LPP: variants seen among roughly 807,000 people sequenced by gnomAD.
The protein encoded by LPP is LIM domain containing preferred translocation partner in lipoma.
LPP carries 38 observed loss-of-function variants against 60.4 expected under a neutral mutation model. The ratio of observed to expected loss-of-function variants is 0.63; its 90% CI spans 0.49 to 0.83. The LOEUF (loss-of-function observed/expected upper bound fraction) is 0.83. LPP is among the 40% of genes least tolerant of loss of function. The pLI is 0.00. For missense variants in LPP, 902 were observed against 783.6 expected (o/e 1.15, Z -1.80); for synonymous variants, 328 against 290.8 (o/e 1.13, Z -1.30).
chr3:188,508,774 G>T (rs895540758), intron 5 of LPP, among the ~76,000 whole-genome samples: 2 of 152,220 alleles, frequency 1.3e-5, no homozygotes, highest in African/African-American at 4.8e-5. Flanking sequence ...CTGGAATTGG[G>T]TTAGAATACA....
intron 4 of LPP, among the ~76,000 whole-genome samples, chr3:188,476,198 G>A (rs868338068): frequency 6.6e-6 from 1 of 152,158 alleles, no homozygotes; most frequent in Non-Finnish European, 1.5e-5. Context: ...GCTTCGTGGA[G>A]AAGCACACTT....
intron 9 of LPP, among the ~76,000 whole-genome samples, chr3:188,805,597 ATT>A (rs1202184089): frequency 6.6e-6 from 1 of 151,060 alleles, no homozygotes; most frequent in Non-Finnish European, 1.5e-5. Flanking sequence ...TCTCAATTAT[ATT>A]GACTTCTGCT....
chr3:188,604,872 G>T (rs1470331579), intron 6 of LPP, among the ~76,000 whole-genome samples: 1 of 152,134 alleles, frequency 6.6e-6, no homozygotes, highest in Admixed American at 6.6e-5. Context: ...CACTGTGCTG[G>T]AGGATTCAGG....
chr3:188,866,221 G>A lies in LPP; in HGVS notation c.1432G>A (p.Val478Met). The A allele has an allele frequency of 6.4e-7, 1 of 1,561,980 alleles. No homozygotes were observed. The highest frequency in any genetic ancestry group is 8.7e-7 in the Non-Finnish European group (1 of 1,152,408). ...CYINTLEQCNVCSKPIMERIL... is the reference protein window; with the variant it reads ...CYINTLEQCNMCSKPIMERIL... ...CCAGAATACTCTGGAGCAGTGCAAT[G>A]TGTGTTCCAAGCCCATCATGGAGCG... The change falls in exon 10 of 12, where the codon GTG becomes ATG. Residue 478 changes from valine (V) to methionine (M), a missense_variant. By Grantham distance (21) the Val-to-Met change is conservative. Coordinates refer to ENST00000617246, the MANE Select transcript of LPP (RefSeq NM_001375462.1).
At position 188,170,539 on chromosome 3, in the gene LPP, G is replaced by T. The variant is rs535553595; in HGVS notation, c.-190+16287G>T. On this transcript the variant is annotated intron_variant, in intron 1 of 11. Transcript: ENST00000617246. ...GTAGAGATGGGGTTTCACCACGTTG[G>T]CCAGGCTGGTCTCAAACTTCCAACC... Among the ~76,000 whole-genome samples the T allele has an allele frequency of 4.0e-4, 61 of 151,840 alleles. No individual in the cohort carries two copies. In the South Asian group the frequency reaches 8.6e-3, roughly 21 times the overall value.
Position 188,249,905 on chromosome 3 carries a change from T to A in LPP, c.-67+24378T>A, listed in dbSNP as rs1230755617. 3.7e-3 allele frequency among the ~76,000 whole-genome samples: 545 copies of A among 149,042 alleles called. 1 individual carries two copies. The highest frequency in any genetic ancestry group is 7.4e-3 in the Admixed American group (110 of 14,900). On this transcript the variant is annotated intron_variant, in intron 2 of 11. Coordinates refer to ENST00000617246, the MANE Select transcript of LPP (RefSeq NM_001375462.1). Reference sequence around the variant, plus strand: ...ACCCCATATATATATATATATATTTTTTTTTTTTCCAGAAGTATTTCAGAG... The same window carrying A: ...ACCCCATATATATATATATATATTTATTTTTTTTCCAGAAGTATTTCAGAG...
At chr3:188,635,022 T>A (rs1848472590) in intron 7 of LPP, among the ~76,000 whole-genome samples, 5 of 152,126 alleles carry the variant, frequency 3.3e-5, no homozygotes, top group Non-Finnish European at 2.9e-5. Context: ...TAGATCTGGT[T>A]CTTGTCAACC....
intron 4 of LPP, among the ~76,000 whole-genome samples, chr3:188,457,702 C>T (rs909446107): frequency 6.8e-6 from 1 of 147,428 alleles, no homozygotes; most frequent in Non-Finnish European, 1.5e-5. Flanking sequence ...ATCATCCTGG[C>T]TAACATGATG....
At chr3:188,626,840 G>A (rs1846935290) in intron 7 of LPP, among the ~76,000 whole-genome samples, 2 of 151,896 alleles carry the variant, frequency 1.3e-5, no homozygotes, top group Non-Finnish European at 2.9e-5. Flanking sequence ...CAATTATGTA[G>A]GCAAATGAAC....
chr3:188,369,980 G>A (rs1479144668), intron 3 of LPP, among the ~76,000 whole-genome samples: 4 of 152,174 alleles, frequency 2.6e-5, no homozygotes, highest in Non-Finnish European at 5.9e-5. Context: ...CCAGGCTGGA[G>A]TGCAGTGGCA....
chr3:188,334,119 A>G (rs2150550814), intron 2 of LPP, among the ~76,000 whole-genome samples: 1 of 152,300 alleles, frequency 6.6e-6, no homozygotes, highest in South Asian at 2.1e-4. Flanking sequence ...ACATGTGACA[A>G]ATAACTTTCT....
chr3:188,220,205 G>A (rs1293993661), intron 1 of LPP, among the ~76,000 whole-genome samples: 6 of 151,984 alleles, frequency 3.9e-5, no homozygotes, highest in Admixed American at 6.6e-5. Flanking sequence ...TGATTCTCCC[G>A]GTGAGGTCAC....
chr3:188,347,600 C>G (rs984321897), intron 3 of LPP, among the ~76,000 whole-genome samples: 5 of 152,084 alleles, frequency 3.3e-5, no homozygotes, highest in Admixed American at 6.5e-5. Context: ...CCGGCCTACC[C>G]CCCCATTATA....
At chr3:188,160,658 G>A (rs1348196922) in intron 1 of LPP, among the ~76,000 whole-genome samples, 1 of 152,120 alleles carries the variant, frequency 6.6e-6, no homozygotes, top group Non-Finnish European at 1.5e-5. Context: ...CAACCCACAC[G>A]TATCTGTGAT....
chr3:188,733,046 T>A (rs1363112902), intron 8 of LPP, among the ~76,000 whole-genome samples: 1 of 151,898 alleles, frequency 6.6e-6, no homozygotes, highest in Non-Finnish European at 1.5e-5. Flanking sequence ...TCGAACTCAG[T>A]GAAAAAGGGC....
intron 4 of LPP, among the ~76,000 whole-genome samples, chr3:188,429,022 C>A (rs1790234089): frequency 6.6e-6 from 1 of 151,962 alleles, no homozygotes; most frequent in African/African-American, 2.4e-5. Context: ...CAATGAGGAA[C>A]AATTAGACAA....
At chr3:188,482,183 C>T (rs545578934) in intron 4 of LPP, among the ~76,000 whole-genome samples, 2 of 152,262 alleles carry the variant, frequency 1.3e-5, no homozygotes, top group Admixed American at 6.5e-5. Context: ...TCCTGAGGCC[C>T]TCTAGCTATG....
intron 2 of LPP, among the ~76,000 whole-genome samples, chr3:188,336,632 TG>T (rs1761717998): frequency 6.6e-6 from 1 of 152,278 alleles, no homozygotes; most frequent in African/African-American, 2.4e-5. Flanking sequence ...CTGTTACTTG[TG>T]CCCTGAGTGG....
At chr3:188,861,011 A>G (rs945984897) in intron 9 of LPP, among the ~76,000 whole-genome samples, 2 of 152,322 alleles carry the variant, frequency 1.3e-5, no homozygotes, top group East Asian at 3.9e-4. Flanking sequence ...TGTGTTCTCT[A>G]TCTATACCTT....
Sources: gnomAD v4.1 joint callset for allele counts (sites outside exome capture counted in the v4.1 genomes callset) on GRCh38, gnomAD v4.1.1 for gene constraint, MANE v1.5 for transcripts, NCBI Gene and HGNC (gene_info 2026-07-23, HGNC 2026-07-21) for gene names.